EXPH5: variants seen among roughly 807,000 people sequenced by gnomAD.
The protein encoded by EXPH5 is exophilin-5.
Under a neutral mutation model 41.1 loss-of-function variants are expected in EXPH5, and 42 were observed. The ratio of observed to expected loss-of-function variants is 1.02; its 90% CI spans 0.80 to 1.32. EXPH5 has a LOEUF of 1.32. EXPH5 is among the 40% of genes most tolerant of loss of function. EXPH5 has a pLI of 0.00. For synonymous variants in EXPH5, 798 were observed against 833.5 expected (o/e 0.96, Z 0.73); for missense variants, 2,298 against 2,314.5 (o/e 0.99, Z 0.15).
chr11:108,604,810 A>G, the EXPH5 span, among the ~76,000 whole-genome samples: 1 of 152,190 alleles, frequency 6.6e-6, no homozygotes, highest in African/African-American at 2.4e-5. Context: ...CAAGAAGGAA[A>G]TTCAGGTTAT....
At chr11:108,583,256 C>G (rs1192992856) in intron 1 of EXPH5, among the ~76,000 whole-genome samples, 3 of 151,828 alleles carry the variant, frequency 2.0e-5, no homozygotes, top group African/African-American at 7.3e-5. Context: ...GTGGCGGGCT[C>G]CTGTAGTCCC....
chr11:108,514,752 T>C lies in EXPH5; in HGVS notation c.755A>G (p.His252Arg), dbSNP rs376457383. 4.3e-6 allele frequency: 7 copies of C among 1,612,100 alleles called. No homozygotes were observed. The highest frequency in any genetic ancestry group is 5.9e-6 in the Non-Finnish European group (7 of 1,179,428). ...FGHFYSSGNR[H>R]GNITERHKKH... The stretch of plus-strand genomic sequence containing the variant: ...TTTGTGCCTTTCTGTGATATTACCA[T>C]GTCTGTTACCACTGGAATAAAAGTG... The change falls in exon 6 of 6, where the codon CAT becomes CGT. Residue 252 changes from histidine (H) to arginine (R), a missense_variant. Coordinates refer to ENST00000265843, the MANE Select transcript of EXPH5 (RefSeq NM_015065.3).
At position 108,509,588 on chromosome 11, in the gene EXPH5, G is replaced by C; in HGVS notation, c.5919C>G (p.Thr1973=). 6.3e-7 allele frequency: 1 copy of C among 1,597,322 alleles called. No individual in the cohort carries two copies. Residue 1973 remains threonine (T), a synonymous_variant, in exon 6 of 6, where the codon ACC becomes ACG. Transcript: ENST00000265843. ...CATCCAGGTAGTATTCATCATCTGT[G>C]GTTGTGTCTGTGTCACAATCTGAGT... is the stretch of plus-strand genomic sequence containing the variant. ...PVDSDCDTDT[T]TDDEYYLDEN... is the part of the protein sequence containing the mutation.
In EXPH5 at chr11:108,507,441, G is replaced by A. The variant is rs1287795956; in HGVS notation, c.*2096C>T. ...AAAATGGAAAATTAGATTAGGTCGCGAAGCAAATATAAACCAAGCAAGATA... is the reference window on the plus strand; with the variant it reads ...AAAATGGAAAATTAGATTAGGTCGCAAAGCAAATATAAACCAAGCAAGATA... On this transcript the variant is annotated 3_prime_UTR_variant, in exon 6 of 6. Coordinates refer to ENST00000265843, the MANE Select transcript of EXPH5 (RefSeq NM_015065.3). 6.6e-6 allele frequency: 1 copy of A among 152,082 alleles called. No homozygotes were observed. The highest frequency in any genetic ancestry group is 1.5e-5 in the Non-Finnish European group (1 of 68,014). The allele number at this position is 152,082 out of a possible 1,614,324, so 9.4% of individuals were successfully genotyped here.
intron 1 of EXPH5, among the ~76,000 whole-genome samples, chr11:108,563,277 T>G (rs565296668): frequency 6.6e-6 from 1 of 152,304 alleles, no homozygotes; most frequent in Admixed American, 6.5e-5. Flanking sequence ...GACTGCAGAA[T>G]GAAGTGCATA....
intron 5 of EXPH5, among the ~76,000 whole-genome samples, chr11:108,517,894 G>A (rs796549832): frequency 3.3e-5 from 5 of 152,150 alleles, no homozygotes; most frequent in African/African-American, 1.2e-4. Context: ...AAGTAGCTGA[G>A]ATTACAGGTG....
chr11:108,531,598 C>T (rs1041548177), intron 3 of EXPH5, among the ~76,000 whole-genome samples: 9 of 152,186 alleles, frequency 5.9e-5, no homozygotes, highest in Non-Finnish European at 1.0e-4. Context: ...ATTAAATATT[C>T]TCTCATTTCC....
intron 1 of EXPH5, among the ~76,000 whole-genome samples, chr11:108,568,822 A>G (rs1161340596): frequency 2.0e-5 from 3 of 152,180 alleles, no homozygotes; most frequent in African/African-American, 4.8e-5. Context: ...CCAAATATTT[A>G]TTAAATCACT....
At chr11:108,524,144 T>C (rs922151216) in intron 4 of EXPH5, among the ~76,000 whole-genome samples, 12 of 152,166 alleles carry the variant, frequency 7.9e-5, no homozygotes, top group Non-Finnish European at 1.3e-4. Flanking sequence ...GGCAGGACAG[T>C]GTAGTGGTTA....
chr11:108,523,052 A>AT (rs2093775254), intron 4 of EXPH5, among the ~76,000 whole-genome samples: 1 of 151,614 alleles, frequency 6.6e-6, no homozygotes, highest in East Asian at 1.9e-4. Flanking sequence ...TAATTTTTTA[A>AT]TTTTTTGTAG....
chr11:108,593,018 C>A (rs566777929), intron 1 of EXPH5, among the ~76,000 whole-genome samples: 3 of 152,322 alleles, frequency 2.0e-5, no homozygotes, highest in South Asian at 4.1e-4. Context: ...GCGCGCGGGC[C>A]GCGGAGTGAG....
chr11:108,529,379 C>A (rs1479819016), intron 3 of EXPH5, among the ~76,000 whole-genome samples: 1 of 152,126 alleles, frequency 6.6e-6, no homozygotes, highest in Non-Finnish European at 1.5e-5. Flanking sequence ...GACACCCAGG[C>A]TGGAGTGTAG....
intron 1 of EXPH5, among the ~76,000 whole-genome samples, chr11:108,545,460 A>C (rs2093933758): frequency 6.6e-6 from 1 of 152,172 alleles, no homozygotes; most frequent in Non-Finnish European, 1.5e-5. Context: ...ATCCAATAAC[A>C]ATATTGATAT....
chr11:108,525,619 T>C (rs149438702), intron 4 of EXPH5, among the ~76,000 whole-genome samples: 369 of 152,318 alleles, frequency 2.4e-3, no homozygotes, highest in African/African-American at 8.1e-3. Context: ...GAAGATCATC[T>C]AATAATATAG....
At chr11:108,574,627 A>G (rs2094074011) in intron 1 of EXPH5, among the ~76,000 whole-genome samples, 2 of 152,186 alleles carry the variant, frequency 1.3e-5, no homozygotes, top group South Asian at 4.1e-4. Flanking sequence ...TTTGTTGTCA[A>G]CATCAGAGTG....
At chr11:108,542,771 C>T (rs1036298556) in intron 1 of EXPH5, among the ~76,000 whole-genome samples, 12 of 152,018 alleles carry the variant, frequency 7.9e-5, no homozygotes, top group Admixed American at 2.6e-4. Flanking sequence ...CAGGCTGGAG[C>T]GCAGTGGTGT....
Position 108,517,056 on chromosome 11 carries a change from C to G in EXPH5, c.631+1179G>C, listed in dbSNP as rs188439000. ...CTACAAGAGCAGAATGTATTTAGAA[C>G]AGAAAATACAGAAAAGTATAACAAT... On this transcript the variant is annotated intron_variant, in intron 5 of 5. Coordinates refer to ENST00000265843, the MANE Select transcript of EXPH5 (RefSeq NM_015065.3). Among the ~76,000 whole-genome samples the G allele has an allele frequency of 3.9e-3, 601 of 152,224 alleles. 16 individuals are homozygous for G. The highest frequency in any genetic ancestry group is 1.1e-3 in the Non-Finnish European group (78 of 68,008).
intron 4 of EXPH5, among the ~76,000 whole-genome samples, chr11:108,525,279 C>T (rs888471696): frequency 5.9e-5 from 9 of 152,220 alleles, no homozygotes; most frequent in African/African-American, 2.2e-4. Flanking sequence ...GAGGAGCCCA[C>T]ACCAATCTGG....
intron 3 of EXPH5, among the ~76,000 whole-genome samples, chr11:108,538,816 C>T (rs938094341): frequency 6.6e-6 from 1 of 152,216 alleles, no homozygotes; most frequent in Admixed American, 6.5e-5. Context: ...CTCTGCAGCT[C>T]GTTAGAAGTT....
Sources: allele counts gnomAD v4.1 joint callset (sites outside exome capture counted in the v4.1 genomes callset), GRCh38; gene constraint gnomAD v4.1.1; transcripts MANE v1.5; gene names NCBI Gene and HGNC (gene_info 2026-07-23, HGNC 2026-07-21).